The following ZNF704 variants were observed in gnomAD, a reference collection of about 807,000 sequenced individuals.
ZNF704 encodes the protein zinc finger protein 704.
Under a neutral mutation model 44.7 loss-of-function variants are expected in ZNF704, and 10 were observed. That is an observed-to-expected ratio of 0.22 (90% confidence interval 0.14 to 0.38). The LOEUF (loss-of-function observed/expected upper bound fraction) is 0.38, where lower values mean the gene tolerates loss of function less well. Among genes scored for constraint, ZNF704 ranks in the 10% least tolerant of loss-of-function variants. The pLI is 1.00. For missense variants in ZNF704, 390 were observed against 545.5 expected, an observed-to-expected ratio of 0.71 and a Z score of 2.84; for synonymous variants, 211 against 207.6, an observed-to-expected ratio of 1.02 and a Z score of -0.14.
At chr8:80,841,466 C>A (rs974035231) in intron 1 of ZNF704, among the ~76,000 whole-genome samples, 1 of 151,424 alleles carries the variant, frequency 6.6e-6, no homozygotes. Context: ...CTGTGTACTT[C>A]TCTCTATTTC....
At chr8:80,810,958 C>A (rs975297563) in intron 2 of ZNF704, among the ~76,000 whole-genome samples, 49 of 152,292 alleles carry the variant, frequency 3.2e-4, no homozygotes, top group African/African-American at 1.1e-3. Context: ...TATGTTCCAC[C>A]CCTAGCAGTG....
intron 2 of ZNF704, among the ~76,000 whole-genome samples, chr8:80,762,921 TG>T (rs1436903283): frequency 6.6e-6 from 1 of 152,208 alleles, no homozygotes; most frequent in Non-Finnish European, 1.5e-5. Flanking sequence ...ATAGGCCCCA[TG>T]TAAGTCCAAA....
At chr8:80,825,680 A>G (rs1324334920) in intron 1 of ZNF704, among the ~76,000 whole-genome samples, 1 of 152,230 alleles carries the variant, frequency 6.6e-6, no homozygotes, top group Non-Finnish European at 1.5e-5. Flanking sequence ...TTGGAAGTAA[A>G]GCACTCCTCA....
chr8:80,778,643 T>G (rs558976394), intron 2 of ZNF704, among the ~76,000 whole-genome samples: 2 of 152,164 alleles, frequency 1.3e-5, no homozygotes, highest in South Asian at 4.2e-4. Flanking sequence ...AAAGAAAATG[T>G]GGTACATACC....
chr8:80,692,439 A>G (rs1818654936), intron 3 of ZNF704, among the ~76,000 whole-genome samples: 1 of 152,220 alleles, frequency 6.6e-6, no homozygotes, highest in South Asian at 2.1e-4. Context: ...TAATATGGCT[A>G]TGATTGATGG....
chr8:80,789,138 C>CA (rs1807661906), intron 2 of ZNF704, among the ~76,000 whole-genome samples: 1 of 152,058 alleles, frequency 6.6e-6, no homozygotes, highest in Non-Finnish European at 1.5e-5. Context: ...AAAACAACTC[C>CA]AAAAACACTT....
intron 1 of ZNF704, among the ~76,000 whole-genome samples, chr8:80,835,500 A>G (rs1198436750): frequency 1.3e-5 from 2 of 152,228 alleles, no homozygotes; most frequent in African/African-American, 4.8e-5. Context: ...GGTAATCCAC[A>G]TGCTGCAAGA....
intron 3 of ZNF704, among the ~76,000 whole-genome samples, chr8:80,691,118 T>C (rs1479391926): frequency 6.6e-6 from 1 of 152,240 alleles, no homozygotes; most frequent in African/African-American, 2.4e-5. Flanking sequence ...ATCTTAATCA[T>C]TCTTTCCCTC....
At chr8:80,643,248 G>A (rs1313458375) in intron 7 of ZNF704, 119 bp from the exon 8 acceptor site, 12 of 589,454 alleles carry the variant, frequency 2.0e-5, no homozygotes, top group African/African-American at 1.2e-4. Flanking sequence ...GGCCAGGCAC[G>A]GTGATTCATA....
At chr8:80,880,295 A>T in the ZNF704 span, among the ~76,000 whole-genome samples, 3 of 152,194 alleles carry the variant, frequency 2.0e-5, no homozygotes, top group Non-Finnish European at 4.4e-5. Context: ...CCAAGGGTGG[A>T]TGGCTGTGAT....
At chr8:80,802,938 C>G (rs1437211082) in intron 2 of ZNF704, among the ~76,000 whole-genome samples, 1 of 152,104 alleles carries the variant, frequency 6.6e-6, no homozygotes, top group Non-Finnish European at 1.5e-5. Flanking sequence ...TCTAGAAAAT[C>G]CCATCGTCTC....
intron 2 of ZNF704, among the ~76,000 whole-genome samples, chr8:80,713,713 C>T (rs1311815430): frequency 1.3e-5 from 2 of 152,224 alleles, no homozygotes; most frequent in African/African-American, 4.8e-5. Flanking sequence ...GGGGAATCCC[C>T]TTAATCTACA....
rs763569236 is a variant in ZNF704, at chr8:80,630,406, C to G, written c.*10960G>C. On this transcript the variant is annotated 3_prime_UTR_variant, in exon 9 of 9. Coordinates refer to ENST00000327835, the MANE Select transcript of ZNF704 (RefSeq NM_001033723.3). ...TTTTCTCTTCATTCTTTCTCCTTTA[C>G]TTGTTTAGCAGGCACTAAAAAGCAA... 6.6e-6 allele frequency: 1 copy of G among 152,220 alleles called. No individual in the cohort carries two copies. The highest frequency in any genetic ancestry group is 2.4e-5 in the African/African-American group (1 of 41,454). The allele number at this position is 152,220 out of a possible 1,614,324, so 9.4% of individuals were successfully genotyped here. A position where few individuals can be genotyped will look rare whatever the true frequency, so the allele number is the denominator to read the frequency against.
chr8:80,804,939 A>G (rs1807964909), intron 2 of ZNF704, among the ~76,000 whole-genome samples: 1 of 152,200 alleles, frequency 6.6e-6, no homozygotes, highest in South Asian at 2.1e-4. Context: ...GACCTGTGGT[A>G]TACTACTTGA....
chr8:80,835,829 GT>G (rs1808549766), intron 1 of ZNF704, among the ~76,000 whole-genome samples: 1 of 152,086 alleles, frequency 6.6e-6, no homozygotes, highest in Non-Finnish European at 1.5e-5. Context: ...TATTTTATTT[GT>G]TTTATATAAT....
At chr8:80,808,937 G>C (rs1435707569) in intron 2 of ZNF704, among the ~76,000 whole-genome samples, 3 of 152,092 alleles carry the variant, frequency 2.0e-5, no homozygotes, top group Non-Finnish European at 2.9e-5. Flanking sequence ...TAACGATTAG[G>C]GTTATCCTGG....
chr8:80,709,894 A>AT (rs920384833), intron 2 of ZNF704, among the ~76,000 whole-genome samples: 8 of 152,224 alleles, frequency 5.3e-5, no homozygotes, highest in African/African-American at 1.9e-4. Flanking sequence ...CGCTTGTAAG[A>AT]TATCAGGGGT....
intron 5 of ZNF704, among the ~76,000 whole-genome samples, chr8:80,669,483 G>T (rs1348456785): frequency 6.6e-6 from 1 of 152,194 alleles, no homozygotes; most frequent in East Asian, 1.9e-4. Flanking sequence ...CATCAGCCTG[G>T]ATGATTAGAG....
At chr8:80,711,871 A>C (rs1333488510) in intron 2 of ZNF704, among the ~76,000 whole-genome samples, 2 of 152,332 alleles carry the variant, frequency 1.3e-5, no homozygotes, top group African/African-American at 4.8e-5. Flanking sequence ...CACTGTCTCT[A>C]TCGATGCATA....
Sources: gnomAD v4.1 joint callset for allele counts (sites outside exome capture counted in the v4.1 genomes callset) on GRCh38, gnomAD v4.1.1 for gene constraint, MANE v1.5 for transcripts, NCBI Gene and HGNC (gene_info 2026-07-23, HGNC 2026-07-21) for gene names.